The following DCDC1 variants were observed in gnomAD, a reference collection of about 807,000 sequenced individuals.
DCDC1 encodes doublecortin domain containing 1, also known as doublecortin domain-containing protein 1.
DCDC1 carries 200 observed loss-of-function variants against 178.3 expected under a neutral mutation model. The observed-to-expected ratio is 1.12, with a 90% CI of 1.00 to 1.26. The LOEUF (loss-of-function observed/expected upper bound fraction) is 1.26. Ranked by LOEUF, DCDC1 falls within the 50% of genes most tolerant of loss-of-function variation. The pLI, the probability that DCDC1 is intolerant of heterozygous loss-of-function variation, is 0.00. For missense variants in DCDC1, 1,983 were observed against 1,749.2 expected (o/e 1.13, Z -2.38); for synonymous variants, 690 against 604.8 (o/e 1.14, Z -2.07).
intron 20 of DCDC1, among the ~76,000 whole-genome samples, chr11:30,982,171 G>T (rs2134811105): frequency 6.6e-6 from 1 of 152,290 alleles, no homozygotes; most frequent in East Asian, 1.9e-4. Context: ...TCTGACACTT[G>T]TCCCGCAAAT....
intron 9 of DCDC1, among the ~76,000 whole-genome samples, chr11:31,195,150 A>G (rs1299344288): frequency 6.6e-6 from 1 of 152,102 alleles, no homozygotes; most frequent in Non-Finnish European, 1.5e-5. Context: ...AGTCAAAGCC[A>G]GCAGTCTCCT....
chr11:30,888,989 G>T (rs1943550588), intron 36 of DCDC1, among the ~76,000 whole-genome samples: 1 of 152,190 alleles, frequency 6.6e-6, no homozygotes, highest in Non-Finnish European at 1.5e-5. Flanking sequence ...TGGGCGTGAG[G>T]TACTTGCCTA....
chr11:30,914,132 A>G (rs1590341647), intron 27 of DCDC1, among the ~76,000 whole-genome samples: 1 of 152,234 alleles, frequency 6.6e-6, no homozygotes, highest in African/African-American at 2.4e-5. Flanking sequence ...CATATGGCAA[A>G]CCATTCACAG....
At chr11:31,206,626 G>T (rs1971898901) in intron 9 of DCDC1, among the ~76,000 whole-genome samples, 1 of 152,068 alleles carries the variant, frequency 6.6e-6, no homozygotes, top group Admixed American at 6.5e-5. Context: ...TGTTGGCCAG[G>T]CTGCACTTGA....
At chr11:31,205,653 A>T (rs1971778987) in intron 9 of DCDC1, among the ~76,000 whole-genome samples, 1 of 152,204 alleles carries the variant, frequency 6.6e-6, no homozygotes, top group African/African-American at 2.4e-5. Context: ...TTAATAATTT[A>T]TCCTCGTAAA....
At chr11:31,107,298 T>C (rs1437010480) in intron 12 of DCDC1, among the ~76,000 whole-genome samples, 2 of 152,160 alleles carry the variant, frequency 1.3e-5, no homozygotes, top group Non-Finnish European at 2.9e-5. Context: ...AGGGTTACGC[T>C]TTTCTTGTCT....
At chr11:31,271,749 C>A (rs759524032) in intron 7 of DCDC1, among the ~76,000 whole-genome samples, 7 of 152,180 alleles carry the variant, frequency 4.6e-5, no homozygotes, top group Middle Eastern at 3.2e-3. Context: ...GACTTACCAT[C>A]CCACATGGCT....
At chr11:31,037,941 TAA>T (rs1485921292) in intron 20 of DCDC1, among the ~76,000 whole-genome samples, 1 of 152,024 alleles carries the variant, frequency 6.6e-6, no homozygotes, top group Non-Finnish European at 1.5e-5. Flanking sequence ...TTAATGAATT[TAA>T]GTCTTATTGT....
At chr11:30,910,375 A>T (rs1047477617) in intron 28 of DCDC1, among the ~76,000 whole-genome samples, 1 of 152,184 alleles carries the variant, frequency 6.6e-6, no homozygotes, top group Non-Finnish European at 1.5e-5. Context: ...AGAAGAATGT[A>T]ATGTTATATG....
intron 35 of DCDC1, among the ~76,000 whole-genome samples, chr11:30,893,351 G>A (rs1590253345): frequency 6.6e-6 from 1 of 152,172 alleles, no homozygotes; most frequent in East Asian, 1.9e-4. Flanking sequence ...TAACAAATGA[G>A]TTTTTTATTA....
At chr11:30,995,331 A>G (rs553412269) in intron 20 of DCDC1, among the ~76,000 whole-genome samples, 138 of 152,312 alleles carry the variant, frequency 9.1e-4, no homozygotes, top group African/African-American at 3.1e-3. Flanking sequence ...AATGACAATT[A>G]TTTCCAATTT....
intron 10 of DCDC1, among the ~76,000 whole-genome samples, chr11:31,134,820 C>T (rs1302353811): frequency 6.6e-6 from 1 of 152,096 alleles, no homozygotes; most frequent in East Asian, 1.9e-4. Context: ...CATAGCAAGA[C>T]CCTATCTCTA....
chr11:31,279,958 T>C (rs964951790), intron 7 of DCDC1, among the ~76,000 whole-genome samples: 4 of 152,122 alleles, frequency 2.6e-5, no homozygotes, highest in African/African-American at 7.2e-5. Context: ...CATAAAATTA[T>C]TTCTCAAACA....
chr11:31,034,230 GTGTT>G (rs1391122670), intron 20 of DCDC1, among the ~76,000 whole-genome samples: 4 of 151,362 alleles, frequency 2.6e-5, no homozygotes, highest in African/African-American at 9.7e-5. Context: ...GCTGTACAAT[GTGTT>G]TGTGTTTTAA....
At chr11:31,354,467 T>C (rs189172115) in intron 1 of DCDC1, among the ~76,000 whole-genome samples, 36 of 152,330 alleles carry the variant, frequency 2.4e-4, no homozygotes, top group South Asian at 2.1e-4. Flanking sequence ...AAAGATGTCA[T>C]TGGAAACTGG....
chr11:31,162,253 T>C (rs1188012139), intron 9 of DCDC1, among the ~76,000 whole-genome samples: 1 of 152,180 alleles, frequency 6.6e-6, no homozygotes, highest in Non-Finnish European at 1.5e-5. Context: ...GTCAAATATC[T>C]TTAAATTCTA....
At chr11:31,173,553 T>C (rs1294562235) in intron 9 of DCDC1, among the ~76,000 whole-genome samples, 1 of 152,112 alleles carries the variant, frequency 6.6e-6, no homozygotes, top group Non-Finnish European at 1.5e-5. Context: ...ACCATTTCAA[T>C]TGGAGAATGA....
chr11:31,227,690 A>T (rs2136736772), intron 9 of DCDC1, among the ~76,000 whole-genome samples: 1 of 152,282 alleles, frequency 6.6e-6, no homozygotes, highest in African/African-American at 2.4e-5. Context: ...AAATGGTCTA[A>T]ACATCCCAAT....
intron 20 of DCDC1, among the ~76,000 whole-genome samples, chr11:30,955,423 T>C (rs1948712916): frequency 6.6e-6 from 1 of 152,210 alleles, no homozygotes; most frequent in Non-Finnish European, 1.5e-5. Context: ...TCTGCTCCTG[T>C]AATTATCCAA....
Sources: gnomAD v4.1 joint callset for allele counts (sites outside exome capture counted in the v4.1 genomes callset) on GRCh38, gnomAD v4.1.1 for gene constraint, MANE v1.5 for transcripts, NCBI Gene and HGNC (gene_info 2026-07-23, HGNC 2026-07-21) for gene names.